The following FLVCR2 variants were observed in gnomAD, a reference collection of about 807,000 sequenced individuals.
The protein encoded by FLVCR2 is choline/ethanolamine transporter FLVCR2.
Under a neutral mutation model 48.9 loss-of-function variants are expected in FLVCR2, and 38 were observed. The ratio of observed to expected loss-of-function variants is 0.78; its 90% CI spans 0.60 to 1.02. FLVCR2 has a LOEUF of 1.02. FLVCR2 is among the 50% of genes least tolerant of loss of function. FLVCR2 has a pLI of 0.00. For missense variants in FLVCR2, 664 were observed against 663.3 expected (o/e 1.00, Z -0.01); for synonymous variants, 255 against 257.0 (o/e 0.99, Z 0.07).
Position 75,579,073 on chromosome 14 carries a change from C to G in FLVCR2, c.101C>G (p.Ser34Trp). Residue 34 changes from serine (S) to tryptophan (W), a missense_variant, in exon 1 of 10, where the codon TCG becomes TGG. By Grantham distance (177) the Ser-to-Trp change is radical. Transcript: ENST00000238667. ...AGCGTCTCGGTCCATCCCAGCGTCT[C>G]GGTCCATCCCAGCGTCTCCATCAAC... ...DPSVSVHPSVSVHPSVSINPS... is the reference protein window; with the variant it reads ...DPSVSVHPSVWVHPSVSINPS... The G allele has an allele frequency of 6.2e-7, 1 of 1,613,998 alleles. No homozygotes were observed. The highest frequency in any genetic ancestry group is 8.5e-7 in the Non-Finnish European group (1 of 1,179,940).
intron 1 of FLVCR2, among the ~76,000 whole-genome samples, chr14:75,605,282 T>C (rs554934554): frequency 1.3e-5 from 2 of 152,314 alleles, no homozygotes; most frequent in South Asian, 2.1e-4. Context: ...TAAGGTGATA[T>C]GTGGTGTTTC....
intron 1 of FLVCR2, among the ~76,000 whole-genome samples, chr14:75,603,601 T>A (rs60302566): frequency 0.43 from 65,857 of 152,104 alleles, 19,936 homozygotes; most frequent in African/African-American, 0.84. Context: ...GAAAGCTGTC[T>A]CACTGGCTCT....
At chr14:75,636,722 G>C (rs1890174197) in intron 5 of FLVCR2, among the ~76,000 whole-genome samples, 1 of 152,204 alleles carries the variant, frequency 6.6e-6, no homozygotes, top group Admixed American at 6.5e-5. Context: ...TGGGATGAGA[G>C]CTCTGTGATC....
chr14:75,583,669 G>T (rs1176916551), intron 1 of FLVCR2, among the ~76,000 whole-genome samples: 1 of 152,172 alleles, frequency 6.6e-6, no homozygotes, highest in Admixed American at 6.5e-5. Context: ...AACTGGGCAG[G>T]TGGGGATAAC....
intron 1 of FLVCR2, among the ~76,000 whole-genome samples, chr14:75,615,862 C>CAAAA (rs10629811): frequency 8.4e-5 from 11 of 131,280 alleles, no homozygotes; most frequent in South Asian, 7.6e-4. Flanking sequence ...ACTAAAAATA[C>CAAAA]AAAAAAAAAA....
At chr14:75,586,372 T>C (rs1888749691) in intron 1 of FLVCR2, among the ~76,000 whole-genome samples, 1 of 152,156 alleles carries the variant, frequency 6.6e-6, no homozygotes, top group African/African-American at 2.4e-5. Context: ...CAAATCACAA[T>C]GATGGAATGT....
At chr14:75,645,052 G>T (rs1594818861) in intron 9 of FLVCR2, among the ~76,000 whole-genome samples, 1 of 145,772 alleles carries the variant, frequency 6.9e-6, no homozygotes, top group South Asian at 2.2e-4. Context: ...GTGTGTGTGT[G>T]TGTGTGTGTG....
At chr14:75,637,942 G>A (rs1321596613) in intron 5 of FLVCR2, among the ~76,000 whole-genome samples, 2 of 151,994 alleles carry the variant, frequency 1.3e-5, no homozygotes, top group African/African-American at 4.8e-5. Flanking sequence ...GGGCACAGGA[G>A]GGGGTGAGAC....
intron 5 of FLVCR2, among the ~76,000 whole-genome samples, chr14:75,638,786 A>G (rs193007453): frequency 3.9e-5 from 6 of 152,336 alleles, no homozygotes; most frequent in Admixed American, 3.9e-4. Context: ...ATATCGTAAG[A>G]TGGCTTCATA....
At chr14:75,630,319 C>A (rs1456543378) in intron 3 of FLVCR2, among the ~76,000 whole-genome samples, 2 of 152,038 alleles carry the variant, frequency 1.3e-5, no homozygotes, top group Non-Finnish European at 2.9e-5. Flanking sequence ...CCATGTTAAC[C>A]CCACCACCTG....
At chr14:75,603,000 G>A (rs1343287319) in intron 1 of FLVCR2, among the ~76,000 whole-genome samples, 1 of 152,070 alleles carries the variant, frequency 6.6e-6, no homozygotes, top group Non-Finnish European at 1.5e-5. Flanking sequence ...TCCAACACTG[G>A]CCTTTGTTTT....
intron 1 of FLVCR2, among the ~76,000 whole-genome samples, chr14:75,598,645 ATT>A (rs552865871): frequency 7.2e-4 from 109 of 151,754 alleles, no homozygotes; most frequent in African/African-American, 2.6e-3. Flanking sequence ...CTGGCTAGTT[ATT>A]TTATTTTTTG....
intron 1 of FLVCR2, among the ~76,000 whole-genome samples, chr14:75,584,013 A>C (rs1312137979): frequency 6.6e-6 from 1 of 152,180 alleles, no homozygotes; most frequent in Non-Finnish European, 1.5e-5. Context: ...CAGGGGCTTT[A>C]GGAGTGGCCG....
chr14:75,612,218 T>C (rs1350915596), intron 1 of FLVCR2, among the ~76,000 whole-genome samples: 2 of 152,232 alleles, frequency 1.3e-5, no homozygotes, highest in African/African-American at 4.8e-5. Context: ...ATTATTATCT[T>C]CCCTAGGGAT....
chr14:75,640,441 G>A (rs958842953), intron 6 of FLVCR2, among the ~76,000 whole-genome samples: 7 of 151,866 alleles, frequency 4.6e-5, no homozygotes, highest in Non-Finnish European at 8.8e-5. Flanking sequence ...GTGTCTGTAT[G>A]TGCATGTGAA....
chr14:75,639,035 C>CA (rs1051941169), intron 5 of FLVCR2, among the ~76,000 whole-genome samples: 3 of 152,190 alleles, frequency 2.0e-5, no homozygotes, highest in African/African-American at 7.2e-5. Context: ...GCCAACACGG[C>CA]AAAACACCGT....
intron 4 of FLVCR2, among the ~76,000 whole-genome samples, chr14:75,634,450 G>A (rs1890116329): frequency 6.6e-6 from 1 of 152,134 alleles, no homozygotes; most frequent in Admixed American, 6.5e-5. Flanking sequence ...AAAACCTTAG[G>A]CATGGTGCCT....
chr14:75,601,552 G>A lies in FLVCR2; in HGVS notation c.670-20527G>A, dbSNP rs377387806. Among the ~76,000 whole-genome samples, 9 of 152,272 alleles carry A rather than the reference G, an allele frequency of 5.9e-5. No individual in the cohort carries two copies. In the East Asian group the frequency reaches 1.2e-3, roughly 20 times the overall value. On this transcript the variant is annotated intron_variant, in intron 1 of 9. Transcript: ENST00000238667. Reference sequence around the variant, plus strand: ...AAAAAAAAAGTGTTGGTAAGGATGTGAAGACATTGGAACTCTTTTGCATTG... The same window carrying A: ...AAAAAAAAAGTGTTGGTAAGGATGTAAAGACATTGGAACTCTTTTGCATTG...
intron 1 of FLVCR2, among the ~76,000 whole-genome samples, chr14:75,586,861 C>T (rs370064491): frequency 7.9e-5 from 12 of 152,008 alleles, no homozygotes; most frequent in East Asian, 7.7e-4. Flanking sequence ...TCTTTGCCTT[C>T]GAAGACATAC....
Sources: gnomAD v4.1 joint callset for allele counts (sites outside exome capture counted in the v4.1 genomes callset) on GRCh38, gnomAD v4.1.1 for gene constraint, MANE v1.5 for transcripts, NCBI Gene and HGNC (gene_info 2026-07-23, HGNC 2026-07-21) for gene names.